FAAH2: variants seen among roughly 807,000 people sequenced by gnomAD.
The protein encoded by FAAH2 is fatty-acid amide hydrolase 2.
A neutral mutation model predicts 36.9 loss-of-function variants in FAAH2; 60 were observed. The ratio of observed to expected loss-of-function variants is 1.63; its 90% confidence interval spans 1.32 to 2.02. The LOEUF (loss-of-function observed/expected upper bound fraction) is 2.02. FAAH2 is among the 30% of genes most tolerant of loss of function. The pLI, the probability that FAAH2 is intolerant of heterozygous loss-of-function variation, is 0.00. For synonymous variants in FAAH2, 214 were observed against 143.8 expected (o/e 1.49, Z -3.49); for missense variants, 689 against 397.5 (o/e 1.73, Z -6.23).
At chrX:57,163,261 C>A in the FAAH2 span, among the ~76,000 whole-genome samples, 1 of 111,958 alleles carries the variant, frequency 8.9e-6, no homozygotes, top group East Asian at 2.8e-4. Context: ...CTGCTCTCTT[C>A]AAAGCTGTCA....
At chrX:57,448,419 G>A in intron 9 of FAAH2, 105 bp from the exon 10 acceptor site, 1 of 745,765 alleles carries the variant, frequency 1.3e-6, no homozygotes, top group Non-Finnish European at 1.9e-6. Context: ...TACTTTCTCA[G>A]TGTTCTATAA....
At chrX:57,413,306 G>A (rs1190609285) in intron 7 of FAAH2, among the ~76,000 whole-genome samples, 2 of 112,282 alleles carry the variant, frequency 1.8e-5, no homozygotes, top group Non-Finnish European at 3.8e-5. Flanking sequence ...CCATGCCTAA[G>A]TCCTGAATGG....
At chrX:57,485,347 T>C (rs2057456047) in intron 10 of FAAH2, among the ~76,000 whole-genome samples, 1 of 111,155 alleles carries the variant, frequency 9.0e-6, no homozygotes, top group African/African-American at 3.3e-5. Flanking sequence ...TGCCAAGCCA[T>C]GGCCACAGTC....
chrX:57,274,832 T>G, the FAAH2 span, among the ~76,000 whole-genome samples: 2 of 112,009 alleles, frequency 1.8e-5, no homozygotes, highest in African/African-American at 6.5e-5. Flanking sequence ...AGCATTTCCT[T>G]TGAAAACTGG....
At chrX:57,298,935 T>C (rs889288181) in intron 2 of FAAH2, among the ~76,000 whole-genome samples, 36 of 110,938 alleles carry the variant, frequency 3.2e-4, no homozygotes, top group East Asian at 1.1e-3. Context: ...AGACCAATAA[T>C]GGGCTCTGAA....
In FAAH2 at chrX:57,380,954, T is replaced by G. The variant is rs1602470519; in HGVS notation, c.921T>G (p.Phe307Leu). 8.3e-7 allele frequency: 1 copy of G among 1,202,370 alleles called. No homozygotes were observed. The highest frequency in any genetic ancestry group is 1.1e-6 in the Non-Finnish European group (1 of 891,059). ...DTKVHLKDLK[F>L]YWMEHDGGSF... is the part of the protein sequence containing the mutation. ...AGGTACATTTAAAAGACTTAAAATT[T>G]TACTGGATGGAACATGATGGAGGCT... is the stretch of plus-strand genomic sequence containing the variant. Residue 307 changes from phenylalanine to leucine, a missense_variant, in exon 7 of 11, where the codon TTT (phenylalanine) becomes TTG (leucine). Physicochemically the swap from Phe to Leu is conservative, Grantham distance 22 (BLOSUM62 0). Coordinates refer to ENST00000374900, the MANE Select transcript of FAAH2 (RefSeq NM_174912.4).
At chrX:57,226,399 C>T in the FAAH2 span, among the ~76,000 whole-genome samples, 1 of 111,952 alleles carries the variant, frequency 8.9e-6, no homozygotes, top group African/African-American at 3.2e-5. Context: ...ATCTTTCCTT[C>T]ATATATGATG....
At chrX:57,461,677 T>A (rs867463159) in intron 10 of FAAH2, among the ~76,000 whole-genome samples, 5 of 110,942 alleles carry the variant, frequency 4.5e-5, no homozygotes, top group Non-Finnish European at 7.5e-5. Flanking sequence ...TTTATAGCAC[T>A]AAATGCCAAA....
At chrX:57,284,396 A>AAAC (rs201402751), upstream of FAAH2, among the ~76,000 whole-genome samples, 765 of 107,139 alleles carry the variant, frequency 7.1e-3, 31 homozygotes, top group Admixed American at 0.068. Flanking sequence ...TAACAAAACA[A>AAAC]AACAACAACA....
the FAAH2 span, among the ~76,000 whole-genome samples, chrX:57,216,814 G>A: frequency 9.5e-6 from 1 of 105,135 alleles, no homozygotes; most frequent in Non-Finnish European, 1.9e-5. Flanking sequence ...GGATCAAATG[G>A]TAGTTCTACT....
rs1390197095 is a variant in FAAH2, at chrX:57,478,184, A to T, written c.1424-10573A>T. 2.7e-5 allele frequency among the ~76,000 whole-genome samples: 3 copies of T among 111,847 alleles called. No individual in the cohort carries two copies. The Admixed American group carries it at 2.8e-4, about 11-fold the overall frequency. On this transcript the variant is annotated intron_variant, in intron 10 of 10. Transcript: ENST00000374900. ...TGACTTTTTAATGATTGCCATTCGAACTGGTATGAGATGGTATCTCATTGT... is the reference window on the plus strand; with the variant it reads ...TGACTTTTTAATGATTGCCATTCGATCTGGTATGAGATGGTATCTCATTGT...
At chrX:57,349,044 G>T (rs1297373539) in intron 5 of FAAH2, among the ~76,000 whole-genome samples, 6 of 73,450 alleles carry the variant, frequency 8.2e-5, no homozygotes, top group Non-Finnish European at 1.3e-4. Context: ...AAACAAATCA[G>T]TGTATAAATG....
chrX:57,321,660 G>A (rs916161660), intron 3 of FAAH2, among the ~76,000 whole-genome samples: 1 of 110,681 alleles, frequency 9.0e-6, no homozygotes, highest in Non-Finnish European at 1.9e-5. Context: ...TAATATGGGT[G>A]TGTTGAAGAC....
At chrX:57,445,636 G>A (rs1255458494) in intron 8 of FAAH2, among the ~76,000 whole-genome samples, 1 of 111,880 alleles carries the variant, frequency 8.9e-6, no homozygotes, top group East Asian at 2.8e-4. Context: ...GCTAAGGCCT[G>A]TTATTGGGGA....
At chrX:57,139,566 GCCTC>G in the FAAH2 span, among the ~76,000 whole-genome samples, 4 of 111,103 alleles carry the variant, frequency 3.6e-5, no homozygotes, top group Non-Finnish European at 7.5e-5. Context: ...CCATTCTCCT[GCCTC>G]AGCCTCCCGA....
At chrX:57,460,853 TG>T (rs1602738855) in intron 10 of FAAH2, among the ~76,000 whole-genome samples, 1 of 111,579 alleles carries the variant, frequency 9.0e-6, no homozygotes, top group African/African-American at 3.3e-5. Flanking sequence ...AGACACAAAC[TG>T]GTAAATTGGA....
At chrX:57,335,848 G>C (rs2053536817) in intron 4 of FAAH2, among the ~76,000 whole-genome samples, 1 of 111,671 alleles carries the variant, frequency 9.0e-6, no homozygotes, top group Admixed American at 9.5e-5. Context: ...TGTGTCTCTG[G>C]GTACTTGAGA....
At chrX:57,187,200 T>A in the FAAH2 span, among the ~76,000 whole-genome samples, 1 of 111,829 alleles carries the variant, frequency 8.9e-6, no homozygotes, top group Non-Finnish European at 1.9e-5. Context: ...TCCATGAACA[T>A]CAATTTTTTT....
intron 9 of FAAH2, among the ~76,000 whole-genome samples, chrX:57,448,164 T>A (rs752848744): frequency 1.8e-5 from 2 of 110,933 alleles, no homozygotes; most frequent in Non-Finnish European, 3.8e-5. Flanking sequence ...AGAGATGGAG[T>A]TTCATCATAT....
Sources: allele counts gnomAD v4.1 joint callset (sites outside exome capture counted in the v4.1 genomes callset), GRCh38; gene constraint gnomAD v4.1.1; transcripts MANE v1.5; gene names NCBI Gene and HGNC (gene_info 2026-07-23, HGNC 2026-07-21).